The following TMEM39B variants were observed in gnomAD, a reference collection of about 807,000 sequenced individuals.
The protein encoded by TMEM39B is transmembrane protein 39B.
A neutral mutation model predicts 52.2 loss-of-function variants in TMEM39B; 23 were observed. The ratio of observed to expected loss-of-function variants is 0.44; its 90% CI spans 0.32 to 0.62. The LOEUF (loss-of-function observed/expected upper bound fraction) is 0.62, where lower values mean the gene tolerates loss of function less well. Ranked by LOEUF, TMEM39B falls within the 20% of genes least tolerant of loss-of-function variation. The pLI is 0.06. For missense variants in TMEM39B, 547 were observed against 642.0 expected (o/e 0.85, Z 1.60); for synonymous variants, 285 against 264.0 (o/e 1.08, Z -0.77).
intron 5 of TMEM39B, among the ~76,000 whole-genome samples, chr1:32,079,064 A>C (rs1639983331): frequency 6.7e-6 from 1 of 150,280 alleles, no homozygotes. Context: ...CTGTCTCATT[A>C]TTTTATTTTA....
chr1:32,073,395 T>G, intron 1 of TMEM39B: 1 of 387,614 alleles, frequency 2.6e-6, no homozygotes, highest in East Asian at 6.3e-5. Flanking sequence ...GCTAGTGCAG[T>G]CGGCGTTTCT....
At chr1:32,084,268 C>G (rs1640243364) in intron 5 of TMEM39B, among the ~76,000 whole-genome samples, 1 of 152,060 alleles carries the variant, frequency 6.6e-6, no homozygotes, top group Non-Finnish European at 1.5e-5. Context: ...CCCTGCTTCC[C>G]CCTACAAAGG....
intron 6 of TMEM39B, among the ~76,000 whole-genome samples, chr1:32,093,110 T>G (rs1441507322): frequency 1.3e-5 from 2 of 151,792 alleles, no homozygotes; most frequent in African/African-American, 2.4e-5. Flanking sequence ...TAATCTCTCT[T>G]TTTTTTTAGA....
chr1:32,077,356 C>G (rs201546817), intron 5 of TMEM39B, 38 bp downstream of exon 5: 25 of 1,612,306 alleles, frequency 1.6e-5, no homozygotes, highest in Non-Finnish European at 2.0e-5. Context: ...TGCCCAGCAC[C>G]TGGCCCCTGA....
intron 3 of TMEM39B, 27 bp from the exon 4 acceptor site, chr1:32,076,736 G>A: frequency 1.9e-6 from 3 of 1,613,190 alleles, no homozygotes; most frequent in Non-Finnish European, 2.5e-6. Context: ...GGGCCCACAT[G>A]ACCCCCAGGC....
chr1:32,073,946 G>A (rs1262844342), intron 1 of TMEM39B: 1 of 957,558 alleles, frequency 1.0e-6, no homozygotes, highest in Non-Finnish European at 1.2e-6. Context: ...ACCGGGTTTC[G>A]CCATGTTGCC....
intron 7 of TMEM39B, 44 bp from the exon 8 acceptor site, chr1:32,100,398 T>C (rs759669949): frequency 6.6e-7 from 1 of 1,515,650 alleles, no homozygotes; most frequent in Non-Finnish European, 8.8e-7. Context: ...ATCCCTTTTG[T>C]GGGTGAGCTG....
chr1:32,100,536 T>G lies in TMEM39B; in HGVS notation c.1210T>G (p.Ser404Ala). 6.2e-7 allele frequency: 1 copy of G among 1,614,144 alleles called. No homozygotes were observed. The highest frequency in any genetic ancestry group is 8.5e-7 in the Non-Finnish European group (1 of 1,180,000). ...AVGHYNVAIPSDVSHFRFHFF... is the reference protein window; with the variant it reads ...AVGHYNVAIPADVSHFRFHFF... Reference sequence around the variant, plus strand: ...AGGCCACTACAACGTGGCTATCCCCTCTGACGTCTCCCACTTCCGCTTCCA... The same window carrying G: ...AGGCCACTACAACGTGGCTATCCCCGCTGACGTCTCCCACTTCCGCTTCCA... The change falls in exon 8 of 9, where the codon TCT becomes GCT. Residue 404 changes from serine (S) to alanine (A), a missense_variant. Coordinates refer to ENST00000336294, the MANE Select transcript of TMEM39B (RefSeq NM_018056.4).
At chr1:32,083,745 T>C (rs1640217228) in intron 5 of TMEM39B, among the ~76,000 whole-genome samples, 1 of 152,094 alleles carries the variant, frequency 6.6e-6, no homozygotes, top group Non-Finnish European at 1.5e-5. Flanking sequence ...TTAAAGGACC[T>C]GTACTCCCAG....
chr1:32,086,578 G>A (rs769614219), intron 5 of TMEM39B, among the ~76,000 whole-genome samples: 3 of 152,048 alleles, frequency 2.0e-5, no homozygotes, highest in Non-Finnish European at 2.9e-5. Flanking sequence ...ACCAGCCTGG[G>A]CAACTTGGCA....
chr1:32,099,297 A>G lies in TMEM39B; in HGVS notation c.1116-1145A>G, dbSNP rs530586401. 2.0e-5 allele frequency among the ~76,000 whole-genome samples: 3 copies of G among 151,554 alleles called. No homozygotes were observed. The East Asian group carries it at 5.8e-4, about 30-fold the overall frequency. ...AGAACACTTGGACACAAGGTGGGGA[A>G]CATCATACACCAGGACCTGTGGTGG... On this transcript the variant is annotated intron_variant, in intron 7 of 8. Transcript: ENST00000336294.
chr1:32,081,427 G>A (rs1370329891), intron 5 of TMEM39B, among the ~76,000 whole-genome samples: 1 of 151,810 alleles, frequency 6.6e-6, no homozygotes, highest in Non-Finnish European at 1.5e-5. Flanking sequence ...ATCAGCCACT[G>A]TACCTAGCCT....
chr1:32,079,544 C>T (rs1640007914), intron 5 of TMEM39B, among the ~76,000 whole-genome samples: 3 of 151,868 alleles, frequency 2.0e-5, no homozygotes, highest in African/African-American at 7.3e-5. Context: ...ATGTGGTCCC[C>T]CACTCCCAGG....
At chr1:32,097,651 T>C (rs527616331) in intron 7 of TMEM39B, among the ~76,000 whole-genome samples, 39 of 149,534 alleles carry the variant, frequency 2.6e-4, no homozygotes, top group Non-Finnish European at 5.6e-4. Flanking sequence ...TTTTTTTTGT[T>C]TGTTTGTTTT....
intron 8 of TMEM39B, 155 bp downstream of exon 8, chr1:32,100,717 T>TA: frequency 9.4e-7 from 1 of 1,065,614 alleles, no homozygotes; most frequent in East Asian, 2.5e-5. Context: ...GACAGCCATA[T>TA]AAATTGTCAC....
chr1:32,079,611 A>G (rs189555370), intron 5 of TMEM39B, among the ~76,000 whole-genome samples: 60 of 151,946 alleles, frequency 3.9e-4, no homozygotes, highest in Middle Eastern at 3.4e-3. Flanking sequence ...ATAGCACATT[A>G]TAGCATAGAA....
At chr1:32,079,485 A>G (rs1640004570) in intron 5 of TMEM39B, among the ~76,000 whole-genome samples, 2 of 151,746 alleles carry the variant, frequency 1.3e-5, no homozygotes, top group Non-Finnish European at 2.9e-5. Flanking sequence ...CGCCTGGCCA[A>G]CCTGTTCTAT....
At chr1:32,073,779 C>G in intron 1 of TMEM39B, 1 of 985,236 alleles carries the variant, frequency 1.0e-6, no homozygotes, top group Non-Finnish European at 1.2e-6. Flanking sequence ...CATCCAAGCC[C>G]AAAATTGGCT....
intron 5 of TMEM39B, among the ~76,000 whole-genome samples, chr1:32,089,330 G>A (rs548413325): frequency 2.0e-5 from 3 of 151,578 alleles, no homozygotes; most frequent in African/African-American, 2.4e-5. Context: ...CAAGGGTTTC[G>A]CCATCTTGCC....
Sources: allele counts gnomAD v4.1 joint callset (sites outside exome capture counted in the v4.1 genomes callset), GRCh38; gene constraint gnomAD v4.1.1; transcripts MANE v1.5; gene names NCBI Gene and HGNC (gene_info 2026-07-23, HGNC 2026-07-21).